CMSS1: variants seen among roughly 807,000 people sequenced by gnomAD.
The protein encoded by CMSS1 is protein CMSS1.
In CMSS1, 33 loss-of-function variants were observed where a neutral mutation model predicts 43.5. The observed-to-expected ratio is 0.76, with a 90% confidence interval of 0.57 to 1.01. CMSS1 has a LOEUF of 1.01. Among genes scored for constraint, CMSS1 ranks in the 50% least tolerant of loss-of-function variants. The probability of loss-of-function intolerance (pLI) is 0.00; values close to 1 mark genes in which losing one functional copy is unlikely to be tolerated. For missense variants in CMSS1, 313 were observed against 326.4 expected (o/e 0.96, Z 0.32); for synonymous variants, 115 against 117.2 (o/e 0.98, Z 0.12).
At chr3:99,967,806 G>A (rs983845479) in intron 1 of CMSS1, among the ~76,000 whole-genome samples, 4 of 152,178 alleles carry the variant, frequency 2.6e-5, no homozygotes, top group African/African-American at 7.2e-5. Flanking sequence ...TACTCCTTGA[G>A]TGCCTTTTAT....
chr3:100,176,954 TTATA>T (rs1430073952), intron 9 of CMSS1, among the ~76,000 whole-genome samples: 5 of 152,208 alleles, frequency 3.3e-5, no homozygotes, highest in Non-Finnish European at 7.3e-5. Flanking sequence ...TATTAGCTCA[TTATA>T]TATTTTTAAA....
intron 1 of CMSS1, among the ~76,000 whole-genome samples, chr3:100,009,715 T>C (rs1411734846): frequency 6.6e-6 from 1 of 152,222 alleles, no homozygotes; most frequent in Non-Finnish European, 1.5e-5. Context: ...GGCACCTTTT[T>C]CTTGAGTCAT....
chr3:99,949,183 T>G (rs1708103808), intron 1 of CMSS1, among the ~76,000 whole-genome samples: 1 of 152,286 alleles, frequency 6.6e-6, no homozygotes, highest in Middle Eastern at 3.4e-3. Flanking sequence ...TTGTTAAGAT[T>G]ATAACTAAAG....
chr3:100,132,946 G>C (rs1271561224), intron 1 of CMSS1, among the ~76,000 whole-genome samples: 2 of 151,870 alleles, frequency 1.3e-5, no homozygotes, highest in Non-Finnish European at 2.9e-5. Flanking sequence ...GTGTTTACTG[G>C]GGTGTGATAA....
chr3:100,110,991 A>G (rs974464391), intron 1 of CMSS1, among the ~76,000 whole-genome samples: 1 of 152,188 alleles, frequency 6.6e-6, no homozygotes, highest in Non-Finnish European at 1.5e-5. Context: ...CAAACTTTTT[A>G]AAATCTTATT....
At chr3:99,869,659 T>C (rs1229082616) in intron 1 of CMSS1, among the ~76,000 whole-genome samples, 1 of 152,146 alleles carries the variant, frequency 6.6e-6, no homozygotes, top group Non-Finnish European at 1.5e-5. Flanking sequence ...GGCAACTCCT[T>C]CCTTTTCTTC....
At chr3:99,872,322 T>TGTGTGTGTGTGA (rs1491147270) in intron 1 of CMSS1, among the ~76,000 whole-genome samples, 1 of 141,116 alleles carries the variant, frequency 7.1e-6, no homozygotes, top group Admixed American at 7.1e-5. Flanking sequence ...TGTGTGTGTG[T>TGTGTGTGTGTGA]GACTGTGGGG....
chr3:99,833,759 C>T (rs931607192), intron 1 of CMSS1, among the ~76,000 whole-genome samples: 1 of 152,194 alleles, frequency 6.6e-6, no homozygotes, highest in African/African-American at 2.4e-5. Flanking sequence ...CTCCCAGAGA[C>T]CTCTGGTCAT....
At chr3:99,839,670 G>T (rs146077229) in intron 1 of CMSS1, among the ~76,000 whole-genome samples, 2 of 152,128 alleles carry the variant, frequency 1.3e-5, no homozygotes, top group Non-Finnish European at 2.9e-5. Flanking sequence ...TAGAATTCAG[G>T]TATCTTTGAA....
chr3:100,039,056 G>A (rs1017063655), intron 1 of CMSS1, among the ~76,000 whole-genome samples: 1 of 151,972 alleles, frequency 6.6e-6, no homozygotes, highest in Non-Finnish European at 1.5e-5. Flanking sequence ...AACAGATGTT[G>A]GAAAAACTCC....
At chr3:99,941,059 T>G (rs1383822215) in intron 1 of CMSS1, among the ~76,000 whole-genome samples, 2 of 152,262 alleles carry the variant, frequency 1.3e-5, no homozygotes, top group African/African-American at 4.8e-5. Context: ...AATAACTTCT[T>G]GCCTCTGAAG....
chr3:100,073,120 A>G (rs2065789947), intron 1 of CMSS1, among the ~76,000 whole-genome samples: 1 of 152,226 alleles, frequency 6.6e-6, no homozygotes, highest in South Asian at 2.1e-4. Flanking sequence ...CTTTTTAAGA[A>G]TGCTGTTATA....
At chr3:99,994,160 T>C (rs1709604402) in intron 1 of CMSS1, among the ~76,000 whole-genome samples, 1 of 152,220 alleles carries the variant, frequency 6.6e-6, no homozygotes, top group Non-Finnish European at 1.5e-5. Flanking sequence ...CTACTCATTA[T>C]TGGTCTGTTC....
At chr3:99,991,741 G>A (rs1709516374) in intron 1 of CMSS1, among the ~76,000 whole-genome samples, 1 of 151,668 alleles carries the variant, frequency 6.6e-6, no homozygotes, top group South Asian at 2.1e-4. Flanking sequence ...GAGGATAATG[G>A]CCTCCAGTTC....
intron 1 of CMSS1, among the ~76,000 whole-genome samples, chr3:99,860,040 T>C (rs926184372): frequency 2.0e-4 from 31 of 152,334 alleles, no homozygotes; most frequent in African/African-American, 7.5e-4. Context: ...TTTTTTGGCA[T>C]CTGCTAGTTG....
At chr3:100,075,712 T>C (rs1174254795) in intron 1 of CMSS1, 3 of 152,184 alleles carry the variant, frequency 2.0e-5, no homozygotes, top group Non-Finnish European at 4.4e-5. Flanking sequence ...AATAACTAAT[T>C]ATAAAGGCAA....
chr3:99,850,893 T>C (rs1943658311), intron 1 of CMSS1: 1 of 1,614,096 alleles, frequency 6.2e-7, no homozygotes, highest in Non-Finnish European at 8.5e-7. Flanking sequence ...TGGTCAGCTC[T>C]TGGATTTTCT....
At chr3:100,054,188 A>C (rs2065422010) in intron 1 of CMSS1, among the ~76,000 whole-genome samples, 1 of 152,224 alleles carries the variant, frequency 6.6e-6, no homozygotes. Flanking sequence ...ACTGTGAAGG[A>C]GGTTCAGAGC....
intron 1 of CMSS1, among the ~76,000 whole-genome samples, chr3:100,069,825 T>C (rs1187449394): frequency 6.6e-6 from 1 of 152,030 alleles, no homozygotes; most frequent in Non-Finnish European, 1.5e-5. Context: ...AGCAGAAATA[T>C]TTGCCCTACG....
Sources: gnomAD v4.1 joint callset for allele counts (sites outside exome capture counted in the v4.1 genomes callset) on GRCh38, gnomAD v4.1.1 for gene constraint, MANE v1.5 for transcripts, NCBI Gene and HGNC (gene_info 2026-07-23, HGNC 2026-07-21) for gene names.